The following MACROD2 variants were observed in gnomAD, a reference collection of about 807,000 sequenced individuals.
The protein encoded by MACROD2 is ADP-ribose glycohydrolase MACROD2.
A neutral mutation model predicts 70.4 loss-of-function variants in MACROD2; 36 were observed. That is an observed-to-expected ratio of 0.51 (90% CI 0.39 to 0.68). MACROD2 has a LOEUF of 0.68. Ranked by LOEUF, MACROD2 falls within the 30% of genes least tolerant of loss-of-function variation. The pLI is 0.00. For synonymous variants in MACROD2, 172 were observed against 178.8 expected (o/e 0.96, Z 0.30); for missense variants, 496 against 538.4 (o/e 0.92, Z 0.78).
At chr20:15,849,492 C>A (rs953422494) in intron 8 of MACROD2, among the ~76,000 whole-genome samples, 1 of 152,156 alleles carries the variant, frequency 6.6e-6, no homozygotes, top group Non-Finnish European at 1.5e-5. Context: ...GCATCGTGAC[C>A]AGGCTGCGGA....
chr20:14,332,243 G>C (rs993990425), intron 3 of MACROD2, among the ~76,000 whole-genome samples: 47 of 151,920 alleles, frequency 3.1e-4, no homozygotes, highest in African/African-American at 1.1e-3. Flanking sequence ...AAGTCTGAAA[G>C]CTTCCAATTT....
At chr20:15,454,289 G>A (rs1247176877) in intron 7 of MACROD2, among the ~76,000 whole-genome samples, 1 of 151,932 alleles carries the variant, frequency 6.6e-6, no homozygotes, top group Non-Finnish European at 1.5e-5. Flanking sequence ...TCTTGCTGCG[G>A]TATTCTTTTC....
intron 5 of MACROD2, among the ~76,000 whole-genome samples, chr20:15,178,217 C>T (rs779778176): frequency 3.3e-5 from 5 of 152,182 alleles, no homozygotes; most frequent in Admixed American, 6.5e-5. Flanking sequence ...AGTTCTTTCT[C>T]TCCTTCCTTC....
intron 8 of MACROD2, among the ~76,000 whole-genome samples, chr20:15,817,803 G>A (rs1188451431): frequency 6.6e-6 from 1 of 151,998 alleles, no homozygotes; most frequent in Non-Finnish European, 1.5e-5. Flanking sequence ...ATTTTAATTG[G>A]GTTCTTTCCT....
chr20:14,827,004 A>T (rs2072909643), intron 5 of MACROD2, among the ~76,000 whole-genome samples: 1 of 152,112 alleles, frequency 6.6e-6, no homozygotes, highest in Non-Finnish European at 1.5e-5. Context: ...GAGAGCTCGG[A>T]CTTAACAAAA....
intron 2 of MACROD2, among the ~76,000 whole-genome samples, chr20:14,024,032 G>A (rs1037797386): frequency 1.3e-5 from 2 of 152,140 alleles, no homozygotes; most frequent in African/African-American, 2.4e-5. Flanking sequence ...CTATCCATGA[G>A]CGTGGAATGT....
At chr20:14,190,699 T>TATATATATATATACATA (rs1491544961) in intron 3 of MACROD2, among the ~76,000 whole-genome samples, 1 of 15,706 alleles carries the variant, frequency 6.4e-5, no homozygotes, top group African/African-American at 1.8e-4. Context: ...TATATATATA[T>TATATATATATATACATA]TTTTTTTTTT....
intron 3 of MACROD2, among the ~76,000 whole-genome samples, chr20:14,269,874 T>C (rs560000045): frequency 6.6e-6 from 1 of 152,154 alleles, no homozygotes; most frequent in South Asian, 2.1e-4. Flanking sequence ...TATAGTTTAT[T>C]GTGTTAAAAC....
intron 10 of MACROD2, among the ~76,000 whole-genome samples, chr20:15,925,041 A>C (rs1264216757): frequency 1.3e-5 from 2 of 152,218 alleles, no homozygotes; most frequent in Non-Finnish European, 2.9e-5. Context: ...TTGTAATGCT[A>C]TTATGCTAAC....
chr20:15,486,210 G>A (rs971087259), intron 7 of MACROD2, among the ~76,000 whole-genome samples: 2 of 152,038 alleles, frequency 1.3e-5, no homozygotes, highest in African/African-American at 4.8e-5. Context: ...GGGCAGAGAG[G>A]GGATAGTGAA....
chr20:15,388,041 G>A (rs987483865), intron 6 of MACROD2, among the ~76,000 whole-genome samples: 1 of 152,096 alleles, frequency 6.6e-6, no homozygotes, highest in Non-Finnish European at 1.5e-5. Flanking sequence ...ACTGTTAGTG[G>A]AGGGGAGGTT....
chr20:14,293,303 C>T (rs1333558398), intron 3 of MACROD2, among the ~76,000 whole-genome samples: 1 of 151,476 alleles, frequency 6.6e-6, no homozygotes, highest in East Asian at 1.9e-4. Flanking sequence ...AACAAACACT[C>T]AAATAAATAT....
At chr20:15,319,130 A>G (rs2077846125) in intron 6 of MACROD2, among the ~76,000 whole-genome samples, 1 of 152,210 alleles carries the variant, frequency 6.6e-6, no homozygotes. Flanking sequence ...AGGGCACAAC[A>G]TCAATACACA....
chr20:14,962,390 C>T (rs150540881), intron 5 of MACROD2, among the ~76,000 whole-genome samples: 1,572 of 151,810 alleles, frequency 0.01, 30 homozygotes, highest in African/African-American at 0.036. Flanking sequence ...CCTTGACCTC[C>T]TGGGCTCAAG....
chr20:14,529,962 G>A (rs1009402827), intron 4 of MACROD2, among the ~76,000 whole-genome samples: 1 of 152,188 alleles, frequency 6.6e-6, no homozygotes, highest in Non-Finnish European at 1.5e-5. Context: ...TGATTTGAGT[G>A]CGACTAGTTT....
At chr20:16,044,685 A>G (rs371616160) in intron 17 of MACROD2, 46 bp downstream of exon 17, 46 of 1,549,638 alleles carry the variant, frequency 3.0e-5, no homozygotes, top group African/African-American at 2.6e-4. Flanking sequence ...AACCAGCCAT[A>G]AGAACTATTT....
chr20:14,767,702 A>C (rs1277480779), intron 5 of MACROD2, among the ~76,000 whole-genome samples: 1 of 151,790 alleles, frequency 6.6e-6, no homozygotes, highest in Admixed American at 6.6e-5. Flanking sequence ...CAGGTTTGTC[A>C]CATAGGTATA....
At chr20:15,833,122 G>A (rs560687764) in intron 8 of MACROD2, among the ~76,000 whole-genome samples, 3 of 152,298 alleles carry the variant, frequency 2.0e-5, no homozygotes, top group African/African-American at 7.2e-5. Context: ...TCCAAAATGT[G>A]CAGAAGAAAG....
chr20:14,932,073 C>A (rs902301802), intron 5 of MACROD2, among the ~76,000 whole-genome samples: 2 of 151,574 alleles, frequency 1.3e-5, no homozygotes, highest in African/African-American at 4.9e-5. Flanking sequence ...GCTTTACCTA[C>A]CTGGTACGAA....
Sources: gnomAD v4.1 joint callset for allele counts (sites outside exome capture counted in the v4.1 genomes callset) on GRCh38, gnomAD v4.1.1 for gene constraint, MANE v1.5 for transcripts, NCBI Gene and HGNC (gene_info 2026-07-23, HGNC 2026-07-21) for gene names.